KCNC3: variants seen among roughly 807,000 people sequenced by gnomAD.
KCNC3 encodes the protein potassium voltage-gated channel subfamily C member 3.
A neutral mutation model predicts 43.9 loss-of-function variants in KCNC3; 22 were observed. The observed-to-expected ratio is 0.50, with a 90% confidence interval of 0.36 to 0.72. KCNC3 has a LOEUF of 0.72. KCNC3 is among the 30% of genes least tolerant of loss of function. KCNC3 has a pLI of 0.00. For missense variants in KCNC3, 829 were observed against 1,073.8 expected, an observed-to-expected ratio of 0.77 and a Z score of 3.19; for synonymous variants, 492 against 488.0, an observed-to-expected ratio of 1.01 and a Z score of -0.11.
Position 50,328,987 on chromosome 19 carries a change from C to A in KCNC3, c.96G>T (p.Pro32=). 1 of 1,131,250 alleles carries A rather than the reference C, an allele frequency of 8.8e-7. No individual in the cohort carries two copies. Among genetic ancestry groups the A allele is most frequent in the South Asian group, 3.0e-5 (1 of 33,074 alleles). The allele number at this position is 1,131,250 out of a possible 1,614,324, so 70.1% of individuals were successfully genotyped here. The part of the protein sequence containing the change: ...APPPQPPESP[P]PPPLPPQQQQ... The stretch of plus-strand genomic sequence containing the variant: ...GCTGCTGCGGCGGCAGCGGTGGCGG[C>A]GGCGGGGACTCGGGCGGCTGCGGCG... Residue 32 remains proline, a synonymous_variant, in exon 1 of 5, where the codon CCG becomes CCT. Coordinates refer to ENST00000477616, the MANE Select transcript of KCNC3 (RefSeq NM_004977.3).
At position 50,323,342 on chromosome 19, in the gene KCNC3, G is replaced by A; in HGVS notation, c.1611C>T (p.Val537=). The A allele has an allele frequency of 1.9e-6, 3 of 1,614,162 alleles. No homozygotes were observed. Among genetic ancestry groups the A allele is most frequent in the Non-Finnish European group, 2.5e-6 (3 of 1,180,040 alleles). The change falls in exon 2 of 5, where the codon GTC becomes GTT. Residue 537 remains valine (V), a synonymous_variant. Transcript: ENST00000477616. ...GVLTIAMPVP[V]IVNNFGMYYS... ...AGTACATGCCAAAGTTGTTGACAAT[G>A]ACGGGCACAGGCATGGCGATGGTCA...
intron 1 of KCNC3, among the ~76,000 whole-genome samples, chr19:50,325,593 C>T (rs201926679): frequency 2.0e-5 from 3 of 149,304 alleles, no homozygotes; most frequent in Admixed American, 6.7e-5. Context: ...ACTCCCCCCC[C>T]ACCCCCACCT....
rs549325152 is a variant in KCNC3, at chr19:50,313,428, C to T, written c.*2687G>A. 6.6e-6 allele frequency: 1 copy of T among 152,324 alleles called. No homozygotes were observed. The highest frequency in any genetic ancestry group is 1.9e-4 in the East Asian group (1 of 5,186). The allele number at this position is 152,324 out of a possible 1,614,324, so 9.4% of individuals were successfully genotyped here. A position where few individuals can be genotyped will look rare whatever the true frequency, so the allele number is the denominator to read the frequency against. ...TACAAAATGCGTATTAGAGACAAAA[C>T]TTTTAAAACAAGTGTTTGTCCTCAT... On this transcript the variant is annotated 3_prime_UTR_variant, in exon 5 of 5. Transcript: ENST00000477616.
At chr19:50,321,535 C>T (rs959642550) in intron 2 of KCNC3, among the ~76,000 whole-genome samples, 1 of 151,898 alleles carries the variant, frequency 6.6e-6, no homozygotes, top group Non-Finnish European at 1.5e-5. Context: ...TTTGGGAGGC[C>T]GAGGTGGGTA....
At position 50,323,241 on chromosome 19, in the gene KCNC3, G is replaced by T; in HGVS notation, c.1712C>A (p.Ser571Ter). 2 of 1,592,384 alleles carry T rather than the reference G, an allele frequency of 1.3e-6. No individual in the cohort carries two copies. Among genetic ancestry groups the T allele is most frequent in the Non-Finnish European group, 1.7e-6 (2 of 1,175,628 alleles). ...TGGGTCAGGCTTGCAGTAGTTGGGC[G>T]AGCCCGGTTGCGGGGGCCGGGGGAT... is the stretch of plus-strand genomic sequence containing the variant. ...KHIPRPPQPG[S>*]PNYCKPDPPP... Residue 571 changes from serine to a stop codon, truncating the protein, a stop_gained, in exon 2 of 5, where the codon TCG becomes TAG. Transcript: ENST00000477616. LOFTEE classifies it high-confidence loss of function.
chr19:50,330,189 C>T (rs896058101), upstream of KCNC3, among the ~76,000 whole-genome samples: 4 of 152,106 alleles, frequency 2.6e-5, no homozygotes, highest in African/African-American at 9.7e-5. Flanking sequence ...ATCGCTTGAA[C>T]CTGGGAAGTA....
chr19:50,324,247 C>T lies in KCNC3; in HGVS notation c.871-165G>A, dbSNP rs546118655. On this transcript the variant is annotated intron_variant, in intron 1 of 4. Coordinates refer to ENST00000477616, the MANE Select transcript of KCNC3 (RefSeq NM_004977.3). The surrounding 1 kb of genome is among the most constrained non-coding windows in gnomAD (Gnocchi z 4.1). Reference sequence around the variant, plus strand: ...TGTGGCTCCATCACTTCCAGAATCCCATTCTCCCCTCTAAAGCTAGCAAAA... The same window carrying T: ...TGTGGCTCCATCACTTCCAGAATCCTATTCTCCCCTCTAAAGCTAGCAAAA... 1.3e-5 allele frequency among the ~76,000 whole-genome samples: 2 copies of T among 152,348 alleles called. No individual in the cohort carries two copies. Among genetic ancestry groups the T allele is most frequent in the South Asian group, 2.1e-4 (1 of 4,824 alleles).
chr19:50,316,639 C>G (rs951104396), intron 4 of KCNC3, among the ~76,000 whole-genome samples: 1 of 152,016 alleles, frequency 6.6e-6, no homozygotes, highest in African/African-American at 2.4e-5. Context: ...TGGAGGCTGA[C>G]GCAGGAGAGT....
chr19:50,333,260 C>A (rs528952056), upstream of KCNC3, among the ~76,000 whole-genome samples: 2 of 152,310 alleles, frequency 1.3e-5, no homozygotes, highest in South Asian at 4.1e-4. Flanking sequence ...CCAGCCCCGG[C>A]AGCTCTGGGC....
chr19:50,320,284 C>A lies in KCNC3; in HGVS notation c.2236G>T (p.Asp746Tyr). 1.8e-6 allele frequency: 2 copies of A among 1,082,188 alleles called. No homozygotes were observed. Among genetic ancestry groups the A allele is most frequent in the South Asian group, 2.3e-5 (1 of 43,332 alleles). 67.0% of individuals were successfully genotyped at this position (1,082,188 alleles called of 1,614,324 possible). Reference sequence around the variant, plus strand: ...CAGGCCGCGGCGTTGGCGTTGAGGTCGGGCAAGAAGCTTGGGGGGCCTGGC... The same window carrying A: ...CAGGCCGCGGCGTTGGCGTTGAGGTAGGGCAAGAAGCTTGGGGGGCCTGGC... ...RKPGPPSFLP[D>Y]LNANAAAWIS... is the part of the protein sequence containing the mutation. The change falls in exon 4 of 5, where the codon GAC becomes TAC. Residue 746 changes from aspartate (D) to tyrosine (Y), a missense_variant. Asp to Tyr is a radical substitution (Grantham distance 160, BLOSUM62 -3). Transcript: ENST00000477616.
In KCNC3 at chr19:50,322,163, ACCAGCCT is replaced by A. The variant is rs561166293; in HGVS notation, c.1978+805_1978+811del. On this transcript the variant is annotated intron_variant, in intron 2 of 4. Coordinates refer to ENST00000477616, the MANE Select transcript of KCNC3 (RefSeq NM_004977.3). ...AGGCGGGGCAGTGCAGGGGGGGGCC[ACCAGCCT>A]CTCCTTCCTCCTAGACTCCCAAGCC... 9.2e-3 allele frequency among the ~76,000 whole-genome samples: 1,396 copies of A among 151,924 alleles called. 10 individuals carry two copies. Among genetic ancestry groups the A allele is most frequent in the Non-Finnish European group, 0.013 (902 of 67,798 alleles).
upstream of KCNC3, among the ~76,000 whole-genome samples, chr19:50,332,462 G>A (rs915049022): frequency 1.3e-5 from 2 of 152,124 alleles, no homozygotes; most frequent in African/African-American, 4.8e-5. This position sits in a 1 kb window ranked among gnomAD's most constrained non-coding sequence, Gnocchi z 5.8. Context: ...AGCGGGCCGG[G>A]AGTAGCAGGC....
At chr19:50,333,223 G>C (rs908018904), upstream of KCNC3, among the ~76,000 whole-genome samples, 1 of 152,144 alleles carries the variant, frequency 6.6e-6, no homozygotes, top group African/African-American at 2.4e-5. Context: ...GGGGGAATCC[G>C]GGGCTCGAGA....
intron 4 of KCNC3, 49 bp downstream of exon 4, chr19:50,320,174 G>A (rs1194045399): frequency 1.1e-5 from 3 of 274,304 alleles, no homozygotes; most frequent in Non-Finnish European, 2.0e-5. Flanking sequence ...AGTCAGGCAG[G>A]AGTGGGGAGT....
upstream of KCNC3, among the ~76,000 whole-genome samples, chr19:50,332,335 G>GT (rs1016188717): frequency 3.9e-5 from 6 of 152,104 alleles, no homozygotes; most frequent in African/African-American, 7.2e-5. The surrounding 1 kb of genome is among the most constrained non-coding windows in gnomAD (Gnocchi z 5.8). Flanking sequence ...CTAAATCAGC[G>GT]TTTTTTTGCA....
rs1423898013 is a variant in KCNC3 at position 50,328,987 on chromosome 19, CGGCGGGGACTCGGGCGGCTGCGGCGGT to C, written c.69_95del (p.Gln26_Pro34del). 2 of 1,131,146 alleles carry C rather than the reference CGGCGGGGACTCGGGCGGCTGCGGCGGT, an allele frequency of 1.8e-6. No homozygotes were observed. The highest frequency in any genetic ancestry group is 1.7e-5 in the African/African-American group (1 of 59,950). 70.1% of individuals were successfully genotyped at this position (1,131,146 alleles called of 1,614,324 possible). A position where few individuals can be genotyped will look rare whatever the true frequency, so the allele number is the denominator to read the frequency against. On this transcript the variant is annotated inframe_deletion, in exon 1 of 5. Coordinates refer to ENST00000477616, the MANE Select transcript of KCNC3 (RefSeq NM_004977.3). ...GCTGCTGCGGCGGCAGCGGTGGCGGCGGCGGGGACTCGGGCGGCTGCGGCGGTGGCGCCGGCTGCTGCTTGCTGGCCC... is the reference window on the plus strand; with the variant it reads ...GCTGCTGCGGCGGCAGCGGTGGCGGCGGCGCCGGCTGCTGCTTGCTGGCCC...
At chr19:50,331,748 C>G (rs749434590), upstream of KCNC3, among the ~76,000 whole-genome samples, 8 of 152,118 alleles carry the variant, frequency 5.3e-5, no homozygotes, top group Middle Eastern at 3.4e-3. Context: ...TTCACTTTCT[C>G]TATGTCCCCT....
In KCNC3 at chr19:50,324,093, G is replaced by C; in HGVS notation, c.871-11C>G. On this transcript the variant is annotated splice_polypyrimidine_tract_variant and intron_variant, in intron 1 of 4. Transcript: ENST00000477616. The surrounding 1 kb of genome is among the most constrained non-coding windows in gnomAD (Gnocchi z 4.1). Reference sequence around the variant, plus strand: ...GGCGAAGGCCACATACTGCAGGGCAGGGAGGGAGAGAGAGGGGGAGAGGTG... The same window carrying C: ...GGCGAAGGCCACATACTGCAGGGCACGGAGGGAGAGAGAGGGGGAGAGGTG... 1 of 1,578,634 alleles carries C rather than the reference G, an allele frequency of 6.3e-7. No homozygotes were observed. The highest frequency in any genetic ancestry group is 1.3e-5 in the African/African-American group (1 of 74,084).
Position 50,324,716 on chromosome 19 carries a change from C to G in KCNC3, c.871-634G>C, listed in dbSNP as rs1215981602. On this transcript the variant is annotated intron_variant, in intron 1 of 4. Transcript: ENST00000477616. The surrounding 1 kb of genome is among the most constrained non-coding windows in gnomAD (Gnocchi z 4.1). ...AGATGAGCGTACGAAGGACTTGGCT[C>G]CAAACACAGTGCTTGGAGCAGTGCC... 6.6e-6 allele frequency among the ~76,000 whole-genome samples: 1 copy of G among 152,090 alleles called. No individual in the cohort carries two copies. The highest frequency in any genetic ancestry group is 1.5e-5 in the Non-Finnish European group (1 of 68,024).
Sources: allele counts gnomAD v4.1 joint callset (sites outside exome capture counted in the v4.1 genomes callset), GRCh38; gene constraint gnomAD v4.1.1; non-coding constraint Gnocchi (gnomAD v3.1); transcripts MANE v1.5; gene names NCBI Gene and HGNC (gene_info 2026-07-23, HGNC 2026-07-21).